Variants in RPS7 observed in about 807,000 individuals in gnomAD.
RPS7 encodes small ribosomal subunit protein eS7.
RPS7 carries 1 observed loss-of-function variant against 22.1 expected under a neutral mutation model. The ratio of observed to expected loss-of-function variants is 0.05; its 90% CI spans 0.02 to 0.21. The LOEUF (loss-of-function observed/expected upper bound fraction) is 0.21, where lower values mean the gene tolerates loss of function less well. RPS7 is among the 10% of genes least tolerant of loss of function. RPS7 has a pLI of 1.00. For synonymous variants in RPS7, 80 were observed against 92.0 expected (o/e 0.87, Z 0.74); for missense variants, 137 against 246.4 (o/e 0.56, Z 2.97).
At chr2:3,575,377 G>C (rs531017879) in intron 1 of RPS7, 27 bp downstream of exon 1, 6 of 564,590 alleles carry the variant, frequency 1.1e-5, no homozygotes, top group Admixed American at 3.4e-5. Context: ...CTCTCCGACA[G>C]AACTTTTCTT....
Position 3,577,621 on chromosome 2 carries a change from T to A in RPS7, c.292-89T>A, listed in dbSNP as rs1425523992. On this transcript the variant is annotated intron_variant, in intron 4 of 6. Transcript: ENST00000645674. ...AACTTTGAACTTACCCTGCCATTCT[T>A]CTTGCTTTTAAAGCAGTATGGCAGT... is the stretch of plus-strand genomic sequence containing the variant. 3.2e-6 allele frequency: 3 copies of A among 947,910 alleles called. No homozygotes were observed. In the East Asian group the frequency reaches 7.2e-5, roughly 23 times the overall value. 58.7% of individuals were successfully genotyped at this position (947,910 alleles called of 1,614,324 possible). A position where few individuals can be genotyped will look rare whatever the true frequency, so the allele number is the denominator to read the frequency against.
At chr2:3,576,017 C>T (rs1412366762) in intron 3 of RPS7, 129 bp downstream of exon 3, 2 of 758,088 alleles carry the variant, frequency 2.6e-6, no homozygotes, top group East Asian at 2.7e-5. Context: ...AACTCAGGTT[C>T]GGCCGTGTTG....
At chr2:3,576,430 C>T (rs1661281402) in intron 3 of RPS7, 57 bp from the exon 4 acceptor site, 1 of 1,506,634 alleles carries the variant, frequency 6.6e-7, no homozygotes, top group Non-Finnish European at 9.2e-7. Flanking sequence ...TCTAATTTGA[C>T]CACAACGTTT....
intron 4 of RPS7, 27 bp from the exon 5 acceptor site, chr2:3,577,683 T>C (rs376999255): frequency 3.9e-6 from 6 of 1,554,192 alleles, no homozygotes; most frequent in Admixed American, 3.3e-5. Flanking sequence ...TTTTTCATTT[T>C]GTTACATGAT....
chr2:3,577,550 A>G, intron 4 of RPS7, 160 bp from the exon 5 acceptor site: 1 of 641,566 alleles, frequency 1.6e-6, no homozygotes, highest in Middle Eastern at 4.2e-4. Context: ...ACTCCATAGA[A>G]GGGTTTGCTC....
intron 5 of RPS7, chr2:3,579,446 T>G: frequency 6.3e-6 from 1 of 159,052 alleles, no homozygotes; most frequent in Admixed American, 5.9e-5. Flanking sequence ...GGGTGAGACG[T>G]AGACAGATAA....
chr2:3,576,940 CTG>C, intron 4 of RPS7: 1 of 387,082 alleles, frequency 2.6e-6, no homozygotes, highest in Non-Finnish European at 4.9e-6. Context: ...AACAAGAAGT[CTG>C]TAAAGTGACA....
At chr2:3,576,667 G>A in intron 4 of RPS7, 37 bp downstream of exon 4, 1 of 1,613,194 alleles carries the variant, frequency 6.2e-7, no homozygotes, top group East Asian at 2.2e-5. Context: ...TTCTGTTTGT[G>A]AATTTTGCTA....
chr2:3,575,411 T>C (rs1355367724), intron 1 of RPS7, 61 bp downstream of exon 1: 1 of 591,112 alleles, frequency 1.7e-6, no homozygotes, highest in East Asian at 2.9e-5. Context: ...AAACGCCTTT[T>C]GGAGTCAGGC....
At chr2:3,575,736 G>C (rs923800885) in intron 2 of RPS7, 52 bp downstream of exon 2, 1 of 1,596,952 alleles carries the variant, frequency 6.3e-7, no homozygotes, top group Non-Finnish European at 8.6e-7. Flanking sequence ...CCGCCCGGGA[G>C]GGGAGGCGGC....
intron 5 of RPS7, 94 bp downstream of exon 5, chr2:3,577,868 G>A: frequency 1.1e-6 from 1 of 896,866 alleles, no homozygotes; most frequent in South Asian, 1.4e-5. Flanking sequence ...AGATGTTCAA[G>A]TGGGAATTTT....
At chr2:3,575,463 G>T in intron 1 of RPS7, 113 bp downstream of exon 1, 1 of 678,858 alleles carries the variant, frequency 1.5e-6, no homozygotes. Context: ...GGATACAGCC[G>T]ATTACCCGCC....
chr2:3,579,861 G>C (rs1042104208), intron 5 of RPS7: 1 of 574,448 alleles, frequency 1.7e-6, no homozygotes, highest in Admixed American at 3.0e-5. Flanking sequence ...TGAGTTTGTA[G>C]TTTATCCCAG....
At chr2:3,577,537 G>C in intron 4 of RPS7, 173 bp from the exon 5 acceptor site, 1 of 618,438 alleles carries the variant, frequency 1.6e-6, no homozygotes. Context: ...GAATCAGGAA[G>C]TAACTCCATA....
At chr2:3,576,357 T>G in intron 3 of RPS7, 130 bp from the exon 4 acceptor site, 2 of 826,744 alleles carry the variant, frequency 2.4e-6, no homozygotes, top group Non-Finnish European at 4.3e-6. Context: ...CATTTATGAT[T>G]AACTCAAAAC....
At chr2:3,575,490 C>G (rs961966752) in intron 1 of RPS7, 102 bp from the exon 2 acceptor site, 1 of 763,994 alleles carries the variant, frequency 1.3e-6, no homozygotes, top group African/African-American at 1.7e-5. Context: ...TTTCCGATGG[C>G]TTCTGCGGGG....
intron 5 of RPS7, 141 bp from the exon 6 acceptor site, chr2:3,579,969 C>T: frequency 1.2e-6 from 1 of 813,060 alleles, no homozygotes. Context: ...TGAAATATAA[C>T]AAGCTTATTT....
At chr2:3,579,731 T>C in intron 5 of RPS7, 1 of 293,934 alleles carries the variant, frequency 3.4e-6, no homozygotes, top group South Asian at 3.7e-5. Flanking sequence ...GTTTTGGAGA[T>C]GAGCAAGAGT....
chr2:3,576,908 A>G (rs1463943267), intron 4 of RPS7: 3 of 450,838 alleles, frequency 6.7e-6, no homozygotes, highest in Non-Finnish European at 1.2e-5. Context: ...AAGATAAAGT[A>G]CGTTCTTTAA....
Sources: allele counts gnomAD v4.1 joint callset, GRCh38; gene constraint gnomAD v4.1.1; transcripts MANE v1.5; gene names NCBI Gene and HGNC (gene_info 2026-07-23, HGNC 2026-07-21).